The following EML5 variants were observed in gnomAD, a reference collection of about 807,000 sequenced individuals.
EML5 encodes echinoderm microtubule-associated protein-like 5.
In EML5, 120 loss-of-function variants were observed where a neutral mutation model predicts 250.0. That is an observed-to-expected ratio of 0.48 (90% confidence interval 0.41 to 0.56). EML5 has a LOEUF of 0.56. Ranked by LOEUF, EML5 falls within the 20% of genes least tolerant of loss-of-function variation. The probability of loss-of-function intolerance (pLI) is 0.00; values close to 1 mark genes in which losing one functional copy is unlikely to be tolerated. For missense variants in EML5, 2,006 were observed against 2,437.6 expected, an observed-to-expected ratio of 0.82 and a Z score of 3.73; for synonymous variants, 771 against 806.5, an observed-to-expected ratio of 0.96 and a Z score of 0.75.
rs1325815100 is a variant in EML5 at position 88,625,057 on chromosome 14, A to G, written c.4811T>C (p.Ile1604Thr). 1 of 1,613,418 alleles carries G rather than the reference A, an allele frequency of 6.2e-7. No individual in the cohort carries two copies. ...CVWKDHILCRIVARAHNGPVF... is the reference protein window; with the variant it reads ...CVWKDHILCRTVARAHNGPVF... ...AGGCCCGTTGTGAGCTCTCGCCACG[A>G]TTCTACACAATATGTGATCTTTCCA... Residue 1604 changes from isoleucine to threonine, a missense_variant, in exon 36 of 44, where the codon ATC becomes ACC. Transcript: ENST00000554922.
At chr14:88,691,064 C>T (rs1206702062) in intron 17 of EML5, among the ~76,000 whole-genome samples, 5 of 152,194 alleles carry the variant, frequency 3.3e-5, no homozygotes, top group Admixed American at 3.3e-4. Context: ...TCCCCACCTA[C>T]AAGCTAGAGA....
chr14:88,755,945 G>A (rs946833850), intron 1 of EML5, among the ~76,000 whole-genome samples: 1 of 152,210 alleles, frequency 6.6e-6, no homozygotes, highest in Admixed American at 6.5e-5. Context: ...GAACCCAGGA[G>A]TTCAAGGCTG....
At chr14:88,693,985 C>A (rs890273873) in intron 17 of EML5, among the ~76,000 whole-genome samples, 1 of 150,238 alleles carries the variant, frequency 6.7e-6, no homozygotes, top group African/African-American at 2.5e-5. Context: ...GCTGCCCAGG[C>A]TGCTCTTGAA....
rs969121105 is a variant in EML5, at chr14:88,685,072, T to C, written c.2925A>G (p.Thr975=). The C allele has an allele frequency of 2.5e-6, 4 of 1,611,934 alleles. No homozygotes were observed. Among genetic ancestry groups the C allele is most frequent in the African/African-American group, 1.3e-5 (1 of 74,994 alleles). ...CCACTTCTAGTATTTCACCATTCTT[T>C]GTGCCAACTAAAATATGACCATGTC... ...SLGHGHILVG[T]KNGEILEVDK... Residue 975 remains threonine, a synonymous_variant, in exon 20 of 44, where the codon ACA becomes ACG. Coordinates refer to ENST00000554922, the MANE Select transcript of EML5 (RefSeq NM_183387.3).
At chr14:88,683,055 A>C (rs1417618309) in intron 20 of EML5, among the ~76,000 whole-genome samples, 1 of 135,582 alleles carries the variant, frequency 7.4e-6, no homozygotes, top group African/African-American at 2.7e-5. Context: ...ATGCATAAGT[A>C]CGTCTCAAAA....
intron 5 of EML5, 98 bp from the exon 6 acceptor site, chr14:88,739,112 G>A: frequency 1.7e-6 from 2 of 1,183,460 alleles, no homozygotes; most frequent in African/African-American, 1.6e-5. Flanking sequence ...ACAATATTTT[G>A]GTAGGATATA....
intron 1 of EML5, among the ~76,000 whole-genome samples, chr14:88,766,870 T>C (rs1368649333): frequency 6.6e-6 from 1 of 152,052 alleles, no homozygotes; most frequent in Admixed American, 6.6e-5. Flanking sequence ...GGCCGACACT[T>C]AGGGAAAATA....
In EML5 at chr14:88,715,181, A is replaced by G; in HGVS notation, c.1202T>C (p.Val401Ala). The G allele has an allele frequency of 6.3e-7, 1 of 1,595,054 alleles. No homozygotes were observed. The highest frequency in any genetic ancestry group is 1.3e-5 in the African/African-American group (1 of 74,692). ...TVLRVRDMTE[V>A]VHIKDRKEAI... ...CTCCTTCCTATCTTTAATATGTACA[A>G]CTTCCGTCATATCTCTGTTAAAAAG... Residue 401 changes from valine (V) to alanine (A), a missense_variant, in exon 9 of 44, where the codon GTT becomes GCT. Around this residue, in one of 7 missense-constraint regions of EML5, gnomAD observed 1,375 missense variants for 1,590.3 expected, o/e 0.86. Transcript: ENST00000554922.
intron 10 of EML5, among the ~76,000 whole-genome samples, chr14:88,707,772 A>T (rs1174465460): frequency 3.3e-5 from 5 of 152,174 alleles, no homozygotes; most frequent in African/African-American, 7.2e-5. Flanking sequence ...TAAGTCACTA[A>T]TTTAACTTCG....
chr14:88,762,644 C>T (rs868466614), intron 1 of EML5, among the ~76,000 whole-genome samples: 3 of 152,292 alleles, frequency 2.0e-5, no homozygotes, highest in Middle Eastern at 6.8e-3. Flanking sequence ...TTGAACTCAG[C>T]TCTGGACCAA....
At chr14:88,686,427 A>G (rs1314938668) in intron 19 of EML5, among the ~76,000 whole-genome samples, 3 of 151,864 alleles carry the variant, frequency 2.0e-5, no homozygotes, top group Admixed American at 6.6e-5. Flanking sequence ...TAATAATAAT[A>G]ATAAAGAAAA....
Position 88,687,293 on chromosome 14 carries a change from G to GCTACTATACCATCTTTTCCT in EML5, c.2757_2776dup (p.Ala926GlufsTer6). The GCTACTATACCATCTTTTCCT allele has an allele frequency of 6.2e-7, 1 of 1,610,890 alleles. No homozygotes were observed. Among genetic ancestry groups the GCTACTATACCATCTTTTCCT allele is most frequent in the Non-Finnish European group, 8.5e-7 (1 of 1,178,868 alleles). ...TCTTTCAAAAGAGTCATCCCAAAGA[G>GCTACTATACCATCTTTTCCT]CTACTATACCATCTTTTCCTCCAGT... On this transcript the variant is annotated stop_gained and frameshift_variant, in exon 19 of 44. Coordinates refer to ENST00000554922, the MANE Select transcript of EML5 (RefSeq NM_183387.3). LOFTEE classifies it high-confidence loss of function.
At chr14:88,747,341 G>A (rs2094020147) in intron 2 of EML5, among the ~76,000 whole-genome samples, 1 of 152,120 alleles carries the variant, frequency 6.6e-6, no homozygotes, top group Admixed American at 6.6e-5. Flanking sequence ...GAACCCAGGA[G>A]GTAGAGGTTG....
chr14:88,766,121 G>A (rs552673320), intron 1 of EML5, among the ~76,000 whole-genome samples: 12 of 152,052 alleles, frequency 7.9e-5, no homozygotes, highest in South Asian at 2.1e-4. Flanking sequence ...CGTCATCTTC[G>A]TAAGCTGAGG....
chr14:88,745,167 T>TTGTTTGTTTTTGTGTGTGTGTGTGTG (rs148282706), intron 3 of EML5, among the ~76,000 whole-genome samples: 2 of 145,190 alleles, frequency 1.4e-5, no homozygotes, highest in African/African-American at 5.1e-5. Flanking sequence ...AATTGTGTGT[T>TTGTTTGTTTTTGTGTGTGTGTGTGTG]TGTGTGTGTG....
rs2094409661 is a variant in EML5, at chr14:88,772,980, C to G, written c.198-18309G>C. Among the ~76,000 whole-genome samples the G allele has an allele frequency of 2.6e-5, 4 of 152,224 alleles. No individual in the cohort carries two copies. The South Asian group carries it at 8.3e-4, about 32-fold the overall frequency. On this transcript the variant is annotated intron_variant, in intron 1 of 43. Transcript: ENST00000554922. ...TGCTCAGAGAAGCTCTCCCTAACTA[C>G]TCCTAGTCATCCCAACATATTCTGT...
At chr14:88,779,160 C>T (rs1393736665) in intron 1 of EML5, among the ~76,000 whole-genome samples, 2 of 152,112 alleles carry the variant, frequency 1.3e-5, no homozygotes, top group African/African-American at 2.4e-5. Context: ...GAAAAATATA[C>T]CTTCGTTATT....
chr14:88,731,324 G>GTT (rs57416233), intron 7 of EML5, among the ~76,000 whole-genome samples: 2 of 150,562 alleles, frequency 1.3e-5, no homozygotes, highest in Admixed American at 6.6e-5. Flanking sequence ...GCAGTGTTTG[G>GTT]TTTTTGTCCT....
chr14:88,677,792 A>C (rs1384710279), intron 21 of EML5, among the ~76,000 whole-genome samples: 1 of 152,228 alleles, frequency 6.6e-6, no homozygotes, highest in African/African-American at 2.4e-5. Flanking sequence ...ACAGTCAAGA[A>C]ACAATAGATG....
Sources: allele counts gnomAD v4.1 joint callset (sites outside exome capture counted in the v4.1 genomes callset), GRCh38; gene constraint gnomAD v4.1.1; regional missense constraint gnomAD v4.1.1; transcripts MANE v1.5; gene names NCBI Gene and HGNC (gene_info 2026-07-23, HGNC 2026-07-21).